The following MICAL2 variants were observed in gnomAD, a reference collection of about 807,000 sequenced individuals.
MICAL2 encodes [F-actin]-monooxygenase MICAL2.
A neutral mutation model predicts 127.3 loss-of-function variants in MICAL2; 77 were observed. The observed-to-expected ratio is 0.60, with a 90% CI of 0.50 to 0.73. The LOEUF is 0.73. Ranked by LOEUF, MICAL2 falls within the 30% of genes least tolerant of loss-of-function variation. The probability of loss-of-function intolerance (pLI) is 0.00; values close to 1 mark genes in which losing one functional copy is unlikely to be tolerated. For missense variants in MICAL2, 1,351 were observed against 1,434.4 expected (o/e 0.94, Z 0.94); for synonymous variants, 570 against 551.1 (o/e 1.03, Z -0.48).
At chr11:12,168,232 CCACACACACATA>C (rs1000251197) in intron 3 of MICAL2, among the ~76,000 whole-genome samples, 2 of 150,690 alleles carry the variant, frequency 1.3e-5, no homozygotes, top group African/African-American at 4.9e-5. Flanking sequence ...CATACACACA[CCACACACACATA>C]CACACATAGA....
intron 2 of MICAL2, among the ~76,000 whole-genome samples, chr11:12,160,858 T>A (rs895462965): frequency 1.3e-5 from 2 of 152,230 alleles, no homozygotes; most frequent in African/African-American, 4.8e-5. Context: ...CAGTAATTGT[T>A]GCTGAGTGAA....
chr11:12,202,936 A>G (rs933657846), intron 3 of MICAL2, among the ~76,000 whole-genome samples: 1 of 152,138 alleles, frequency 6.6e-6, no homozygotes, highest in Non-Finnish European at 1.5e-5. Flanking sequence ...TCATTCCCCA[A>G]TTCTCCCTCC....
At chr11:12,300,996 T>A (rs1864039839) in intron 29 of MICAL2, among the ~76,000 whole-genome samples, 1 of 152,024 alleles carries the variant, frequency 6.6e-6, no homozygotes, top group South Asian at 2.1e-4. Context: ...GAAAATGAGG[T>A]TTAATTGGAC....
chr11:12,286,327 C>T (rs934508751), intron 2 of MICAL2, among the ~76,000 whole-genome samples: 1 of 152,160 alleles, frequency 6.6e-6, no homozygotes, highest in African/African-American at 2.4e-5. Flanking sequence ...TGGCTTCAAT[C>T]AGAGCAGCTC....
Position 12,224,810 on chromosome 11 carries a change from C to T in MICAL2, c.1678C>T (p.Pro560Ser). 1 of 1,612,512 alleles carries T rather than the reference C, an allele frequency of 6.2e-7. No individual in the cohort carries two copies. The highest frequency in any genetic ancestry group is 2.2e-5 in the East Asian group (1 of 44,820). Residue 560 changes from proline to serine, a missense_variant, in exon 13 of 28, where the codon CCT becomes TCT. Pro to Ser is a moderately conservative substitution (Grantham distance 74). Around this residue, in one of 2 missense-constraint regions of MICAL2, gnomAD observed 599 missense variants for 714.9 expected, o/e 0.84. Coordinates refer to ENST00000683283, the MANE Select transcript of MICAL2 (RefSeq NM_001282663.2). Reference protein sequence around the residue: ...ALCAIIHRFRPELINFDSLNE... With the variant: ...ALCAIIHRFRSELINFDSLNE... ...GTGTGCCATCATCCACCGCTTCCGG[C>T]CTGAGCTCATGTGAGTCTGGGGCCC...
At chr11:12,332,583 TTTA>T (rs1429265978) in intron 32 of MICAL2, among the ~76,000 whole-genome samples, 5 of 151,742 alleles carry the variant, frequency 3.3e-5, no homozygotes, top group African/African-American at 1.2e-4. Flanking sequence ...AGCAAGAGAG[TTTA>T]TTATTCACAG....
chr11:12,313,947 A>G (rs1169974944), intron 29 of MICAL2, among the ~76,000 whole-genome samples: 2 of 101,870 alleles, frequency 2.0e-5, no homozygotes, highest in South Asian at 5.5e-4. Flanking sequence ...TTCTGGCCTT[A>G]ATGTCTTGGT....
downstream of MICAL2, among the ~76,000 whole-genome samples, chr11:12,290,420 A>G (rs1272178409): frequency 6.6e-6 from 1 of 152,108 alleles, no homozygotes; most frequent in Non-Finnish European, 1.5e-5. Flanking sequence ...ACAAAAAGGC[A>G]GTCTGTTGAG....
chr11:12,267,361 T>C (rs1266496297), downstream of MICAL2, among the ~76,000 whole-genome samples: 1 of 152,210 alleles, frequency 6.6e-6, no homozygotes, highest in African/African-American at 2.4e-5. Flanking sequence ...TTCTGGAGAC[T>C]GCAATTCCCC....
upstream of MICAL2, chr11:12,275,894 C>T (rs951897191): frequency 1.1e-4 from 45 of 398,334 alleles, no homozygotes; most frequent in South Asian, 2.6e-4. Flanking sequence ...TCTGAGTAGA[C>T]CCCAGGCCTA....
chr11:12,147,869 C>T (rs894566893), intron 2 of MICAL2, among the ~76,000 whole-genome samples: 2 of 152,210 alleles, frequency 1.3e-5, no homozygotes, highest in African/African-American at 2.4e-5. Flanking sequence ...CCTCAGGCTG[C>T]AGGGATTCTA....
downstream of MICAL2, among the ~76,000 whole-genome samples, chr11:12,297,004 C>T (rs112001396): frequency 6.6e-5 from 10 of 152,124 alleles, 1 homozygote; most frequent in African/African-American, 2.2e-4. Context: ...AACAGTGCTA[C>T]AATAATTAAC....
At chr11:12,258,595 C>A in intron 25 of MICAL2, 39 bp downstream of exon 25, 1 of 1,578,002 alleles carries the variant, frequency 6.3e-7, no homozygotes. Context: ...ACGGGGAAGG[C>A]CCCTTGATAA....
intron 32 of MICAL2, among the ~76,000 whole-genome samples, chr11:12,347,747 A>G (rs1324504804): frequency 6.6e-6 from 1 of 152,234 alleles, no homozygotes; most frequent in Non-Finnish European, 1.5e-5. Context: ...CGTATACTAC[A>G]GGATGTGTAT....
chr11:12,291,701 G>C (rs943544254), downstream of MICAL2, among the ~76,000 whole-genome samples: 3 of 152,226 alleles, frequency 2.0e-5, no homozygotes, highest in Admixed American at 2.0e-4. Context: ...ATTAGTCGTG[G>C]ATGTCTATCC....
intron 26 of MICAL2, chr11:12,262,001 A>T: frequency 1.0e-6 from 1 of 1,000,958 alleles, no homozygotes; most frequent in Non-Finnish European, 1.2e-6. Context: ...ATGAAGCCCG[A>T]GTCGGAATCT....
chr11:12,242,088 T>C, intron 18 of MICAL2, 126 bp from the exon 19 acceptor site: 1 of 744,700 alleles, frequency 1.3e-6, no homozygotes, highest in Non-Finnish European at 2.1e-6. Flanking sequence ...GGGGCTAGTT[T>C]GGAATCTTAC....
At chr11:12,126,452 G>T (rs1360503847) in intron 1 of MICAL2, among the ~76,000 whole-genome samples, 1 of 152,216 alleles carries the variant, frequency 6.6e-6, no homozygotes, top group Non-Finnish European at 1.5e-5. Flanking sequence ...GGTGAGGTTT[G>T]CAGGTAACTG....
At position 12,208,192 on chromosome 11, in the gene MICAL2, A is replaced by G. The variant is rs771392949; in HGVS notation, c.589+53A>G. The G allele has an allele frequency of 7.9e-6, 11 of 1,385,908 alleles. No homozygotes were observed. In the Admixed American group the frequency reaches 1.9e-4, roughly 23 times the overall value. The allele number at this position is 1,385,908 out of a possible 1,614,324, so 85.9% of individuals were successfully genotyped here. Reference sequence around the variant, plus strand: ...AGAAAGCAGATACTACAAAATAGAAATTCCACTTGCTGCTTCCAAAGGGTG... The same window carrying G: ...AGAAAGCAGATACTACAAAATAGAAGTTCCACTTGCTGCTTCCAAAGGGTG... On this transcript the variant is annotated intron_variant, in intron 5 of 27. Transcript: ENST00000683283.
Sources: gnomAD v4.1 joint callset for allele counts (sites outside exome capture counted in the v4.1 genomes callset) on GRCh38, gnomAD v4.1.1 for gene constraint, gnomAD v4.1.1 regional missense constraint, MANE v1.5 for transcripts, NCBI Gene and HGNC (gene_info 2026-07-23, HGNC 2026-07-21) for gene names.